Variants in MPP7 observed in about 807,000 individuals in gnomAD.
The protein encoded by MPP7 is MAGUK p55 scaffold protein 7, also known as MAGUK p55 subfamily member 7.
A neutral mutation model predicts 76.5 loss-of-function variants in MPP7; 60 were observed. That is an observed-to-expected ratio of 0.78 (90% CI 0.64 to 0.97). The LOEUF (loss-of-function observed/expected upper bound fraction) is 0.97. Among genes scored for constraint, MPP7 ranks in the 50% least tolerant of loss-of-function variants. MPP7 has a pLI of 0.00. For missense variants in MPP7, 641 were observed against 694.0 expected, an observed-to-expected ratio of 0.92 and a Z score of 0.86; for synonymous variants, 237 against 244.5, an observed-to-expected ratio of 0.97 and a Z score of 0.29.
rs1834983745 is a variant in MPP7, at chr10:28,125,305, G to A, written c.448-214C>T. On this transcript the variant is annotated intron_variant, in intron 6 of 16. Coordinates refer to ENST00000683449, the MANE Select transcript of MPP7 (RefSeq NM_001318170.2). ...AAATTCTATCTACATAGCATCAAAG[G>A]GTTTCAGCCCAATTTAAGGATTTTT... is the stretch of plus-strand genomic sequence containing the variant. Among the ~76,000 whole-genome samples, 2 of 152,020 alleles carry A rather than the reference G, an allele frequency of 1.3e-5. 1 individual carries two copies. The highest frequency in any genetic ancestry group is 4.1e-4 in the South Asian group (2 of 4,826).
intron 2 of MPP7, among the ~76,000 whole-genome samples, chr10:28,315,640 A>G (rs1248466204): frequency 2.0e-5 from 3 of 152,170 alleles, no homozygotes; most frequent in Non-Finnish European, 4.4e-5. Context: ...AAAAATATGT[A>G]TGTTGCTGAG....
At position 28,295,312 on chromosome 10, in the gene MPP7, G is replaced by A. The variant is rs558485860; in HGVS notation, c.-132+7549C>T. On this transcript the variant is annotated intron_variant, in intron 1 of 16. Coordinates refer to ENST00000683449, the MANE Select transcript of MPP7 (RefSeq NM_001318170.2). ...TGCTCAACTTCTTTCTCCCAAACTTGACAAAATGCCTAATCTCTATCCTGA... is the reference window on the plus strand; with the variant it reads ...TGCTCAACTTCTTTCTCCCAAACTTAACAAAATGCCTAATCTCTATCCTGA... Among the ~76,000 whole-genome samples, 3 of 152,146 alleles carry A rather than the reference G, an allele frequency of 2.0e-5. No individual in the cohort carries two copies. The East Asian group carries it at 5.8e-4, about 29-fold the overall frequency.
At chr10:28,123,832 C>T (rs997314153) in intron 8 of MPP7, among the ~76,000 whole-genome samples, 199 bp downstream of exon 8, 2 of 152,002 alleles carry the variant, frequency 1.3e-5, no homozygotes, top group African/African-American at 4.8e-5. Flanking sequence ...TGGATAGTTA[C>T]CTCTTATTCT....
Position 28,202,228 on chromosome 10 carries a change from T to C in MPP7, c.81A>G (p.Pro27=). ...LLAALPAQLQ[P]HVDSQEDLTF... is the part of the protein sequence containing the mutation. ...TCAGGTCTTCCTGGCTATCCACATGTGGCTGCAGCTGGGCTGGCAGAGCAG... is the reference window on the plus strand; with the variant it reads ...TCAGGTCTTCCTGGCTATCCACATGCGGCTGCAGCTGGGCTGGCAGAGCAG... Residue 27 remains proline (P), a synonymous_variant, in exon 3 of 17, where the codon CCA becomes CCG. Coordinates refer to ENST00000683449, the MANE Select transcript of MPP7 (RefSeq NM_001318170.2). 3.7e-6 allele frequency: 6 copies of C among 1,613,818 alleles called. No homozygotes were observed. The highest frequency in any genetic ancestry group is 5.1e-6 in the Non-Finnish European group (6 of 1,179,780).
intron 2 of MPP7, among the ~76,000 whole-genome samples, chr10:28,211,806 A>G (rs555876980): frequency 7.2e-5 from 11 of 152,228 alleles, no homozygotes; most frequent in African/African-American, 2.6e-4. Context: ...GGGAGCAAGA[A>G]GAAGAGGGGA....
rs145621694 is a variant in MPP7, at chr10:28,258,509, C to G, written c.-131-19774G>C. On this transcript the variant is annotated intron_variant, in intron 1 of 16. Transcript: ENST00000683449. ...CAGCCTCCCAGATTCAAGCAATTCC[C>G]CTGCCTCAGCCTCCCAAGTAGCTGG... 2.1e-4 allele frequency among the ~76,000 whole-genome samples: 32 copies of G among 150,716 alleles called. 1 individual carries two copies. Among genetic ancestry groups the G allele is most frequent in the African/African-American group, 7.5e-4 (31 of 41,174 alleles).
At chr10:28,301,732 A>G (rs921471011) in intron 1 of MPP7, among the ~76,000 whole-genome samples, 3 of 152,188 alleles carry the variant, frequency 2.0e-5, no homozygotes, top group African/African-American at 7.2e-5. Flanking sequence ...ATGGCATACT[A>G]TATAATTGAT....
chr10:28,302,449 GA>G (rs914787715), intron 1 of MPP7, among the ~76,000 whole-genome samples: 1 of 151,938 alleles, frequency 6.6e-6, no homozygotes, highest in African/African-American at 2.4e-5. Flanking sequence ...CTTAGGGAAA[GA>G]AAAAAAAGAA....
chr10:28,234,910 A>T (rs1162150056), intron 2 of MPP7, among the ~76,000 whole-genome samples: 1 of 152,234 alleles, frequency 6.6e-6, no homozygotes, highest in Non-Finnish European at 1.5e-5. Flanking sequence ...TCCCAGGCTC[A>T]GGTGATCCTC....
chr10:28,187,475 C>T (rs770667568), intron 3 of MPP7, among the ~76,000 whole-genome samples: 14 of 152,190 alleles, frequency 9.2e-5, no homozygotes, highest in Non-Finnish European at 7.3e-5. Flanking sequence ...CCCAAGTCTC[C>T]GCTCTGTCAG....
chr10:28,057,850 C>T (rs1219684568), intron 15 of MPP7: 1 of 1,242,928 alleles, frequency 8.0e-7, no homozygotes, highest in African/African-American at 1.6e-5. Context: ...ACCATGGTCC[C>T]TGGGGGATGA....
rs552762501 is a variant in MPP7, at chr10:28,157,536, G to A, written c.157-7477C>T. Among the ~76,000 whole-genome samples the A allele has an allele frequency of 7.9e-5, 12 of 152,328 alleles. No homozygotes were observed. In the East Asian group the frequency reaches 2.3e-3, roughly 29 times the overall value. On this transcript the variant is annotated intron_variant, in intron 3 of 16. Transcript: ENST00000683449. Reference sequence around the variant, plus strand: ...AACTGGTTGTCACTTCCTTATTTAAGCCCTTTGGTGGCTTGCCATTGCTCT... The same window carrying A: ...AACTGGTTGTCACTTCCTTATTTAAACCCTTTGGTGGCTTGCCATTGCTCT...
chr10:28,276,981 C>T (rs1268263457), intron 1 of MPP7, among the ~76,000 whole-genome samples: 1 of 151,838 alleles, frequency 6.6e-6, no homozygotes, highest in Admixed American at 6.6e-5. Context: ...TCACTTGAGC[C>T]CAGGAGTTTG....
chr10:28,216,707 T>G (rs539904757), intron 2 of MPP7, among the ~76,000 whole-genome samples: 24 of 152,238 alleles, frequency 1.6e-4, no homozygotes, highest in Non-Finnish European at 2.8e-4. Context: ...GTGGGCTTAT[T>G]GAAACAATTA....
At chr10:28,303,773 T>A (rs1272430699), upstream of MPP7, among the ~76,000 whole-genome samples, 1 of 152,136 alleles carries the variant, frequency 6.6e-6, no homozygotes, top group Non-Finnish European at 1.5e-5. Flanking sequence ...ACAGTAAACA[T>A]GCTTAATATC....
In MPP7 at chr10:28,334,216, A is replaced by T. The variant is rs1288551252; in HGVS notation, c.-206+202T>A. 2.0e-5 allele frequency among the ~76,000 whole-genome samples: 3 copies of T among 152,262 alleles called. No individual in the cohort carries two copies. In the East Asian group the frequency reaches 5.8e-4, roughly 29 times the overall value. ...ACCTTGTCTAAAAAAAGAAAAAAAA[A>T]ATAGTGGCTGAGTCATCAAGGAGGT... On this transcript the variant is annotated intron_variant, in intron 1 of 11. Coordinates refer to the MPP7 transcript ENST00000441595.
At chr10:28,120,155 C>T in intron 10 of MPP7, 39 bp downstream of exon 10, 3 of 1,582,756 alleles carry the variant, frequency 1.9e-6, no homozygotes, top group Non-Finnish European at 2.6e-6. Flanking sequence ...AACAAAAGGT[C>T]AGCTGGAGAA....
chr10:28,287,525 A>G (rs1283995998), intron 1 of MPP7, among the ~76,000 whole-genome samples: 1 of 152,104 alleles, frequency 6.6e-6, no homozygotes, highest in Admixed American at 6.5e-5. Context: ...TTCATTTTGG[A>G]TCTTTCTTAT....
chr10:28,098,207 G>A (rs1302290352), intron 11 of MPP7, among the ~76,000 whole-genome samples: 1 of 151,800 alleles, frequency 6.6e-6, no homozygotes, highest in Admixed American at 6.6e-5. Flanking sequence ...GCAGAAGTAT[G>A]GAAATGATCA....
Sources: allele counts gnomAD v4.1 joint callset (sites outside exome capture counted in the v4.1 genomes callset), GRCh38; gene constraint gnomAD v4.1.1; transcripts MANE v1.5; gene names NCBI Gene and HGNC (gene_info 2026-07-23, HGNC 2026-07-21).